CNOT7: variants seen among roughly 807,000 people sequenced by gnomAD.
CNOT7 encodes CCR4-NOT transcription complex subunit 7.
In CNOT7, 4 loss-of-function variants were observed where a neutral mutation model predicts 37.1. The ratio of observed to expected loss-of-function variants is 0.11; its 90% CI spans 0.05 to 0.25. The LOEUF (loss-of-function observed/expected upper bound fraction) is 0.25. Ranked by LOEUF, CNOT7 falls within the 10% of genes least tolerant of loss-of-function variation. CNOT7 has a pLI of 1.00. For synonymous variants in CNOT7, 128 were observed against 115.6 expected, an observed-to-expected ratio of 1.11 and a Z score of -0.69; for missense variants, 170 against 336.2, an observed-to-expected ratio of 0.51 and a Z score of 3.87.
chr8:17,245,323 C>A, intron 1 of CNOT7, 76 bp from the exon 2 acceptor site: 2 of 620,644 alleles, frequency 3.2e-6, no homozygotes, highest in South Asian at 4.2e-5. Context: ...CAGCAGGAAC[C>A]TAAGAAGTTA....
chr8:17,233,019 C>T (rs1428763326), intron 5 of CNOT7, among the ~76,000 whole-genome samples: 1 of 152,150 alleles, frequency 6.6e-6, no homozygotes, highest in Non-Finnish European at 1.5e-5. Flanking sequence ...CTAAATGCTT[C>T]ACTATGGTTT....
At chr8:17,243,767 T>C in intron 2 of CNOT7, 1 of 395,240 alleles carries the variant, frequency 2.5e-6, no homozygotes, top group South Asian at 1.8e-5. Flanking sequence ...CCACTCTTTA[T>C]CATCTGAGAA....
chr8:17,243,037 G>A lies in CNOT7; in HGVS notation c.266C>T (p.Pro89Leu), dbSNP rs1446456914. 6.2e-7 allele frequency: 1 copy of A among 1,604,486 alleles called. No homozygotes were observed. Among genetic ancestry groups the A allele is most frequent in the South Asian group, 1.1e-5 (1 of 88,700 alleles). The change falls in exon 3 of 7, where the codon CCT (proline) becomes CTT (leucine). Residue 89 changes from proline (P) to leucine (L), a missense_variant. By Grantham distance (98) the Pro-to-Leu change is moderately conservative. Coordinates refer to ENST00000361272, the MANE Select transcript of CNOT7 (RefSeq NM_013354.7). ...LTFMNEQGEYPPGTSTWQFNF... is the reference protein window; with the variant it reads ...LTFMNEQGEYLPGTSTWQFNF... Reference sequence around the variant, plus strand: ...AAACTGCCAAGTTGAAGTTCCTGGAGGGTATTCTCCTTGCTCATTCATAAA... The same window carrying A: ...AAACTGCCAAGTTGAAGTTCCTGGAAGGTATTCTCCTTGCTCATTCATAAA...
chr8:17,238,348 G>A (rs1809661040), intron 3 of CNOT7, among the ~76,000 whole-genome samples: 1 of 137,832 alleles, frequency 7.3e-6, no homozygotes, highest in Non-Finnish European at 1.5e-5. Flanking sequence ...GTATCGTTAT[G>A]GTTAGTCCTT....
chr8:17,237,411 C>A, intron 3 of CNOT7, 38 bp from the exon 4 acceptor site: 2 of 1,597,968 alleles, frequency 1.3e-6, no homozygotes, highest in Non-Finnish European at 1.7e-6. Flanking sequence ...TCAAACATGC[C>A]ATTACTTCAA....
At chr8:17,244,153 A>G (rs1421210095) in intron 2 of CNOT7, among the ~76,000 whole-genome samples, 1 of 152,204 alleles carries the variant, frequency 6.6e-6, no homozygotes, top group Non-Finnish European at 1.5e-5. Flanking sequence ...TATGGAGCTA[A>G]TAATAATCCA....
chr8:17,229,683 T>G lies in CNOT7; in HGVS notation c.*1037A>C, dbSNP rs560983577. On this transcript the variant is annotated 3_prime_UTR_variant, in exon 7 of 7. Coordinates refer to ENST00000361272, the MANE Select transcript of CNOT7 (RefSeq NM_013354.7). ...ATTTTGTTGTTTTGTACCAAATCTCTCCATTATTTACCTTTGTAGCAACTA... is the reference window on the plus strand; with the variant it reads ...ATTTTGTTGTTTTGTACCAAATCTCGCCATTATTTACCTTTGTAGCAACTA... 7 of 152,016 alleles carry G rather than the reference T, an allele frequency of 4.6e-5. No individual in the cohort carries two copies. Among genetic ancestry groups the G allele is most frequent in the African/African-American group, 1.7e-4 (7 of 41,442 alleles). 9.4% of individuals were successfully genotyped at this position (152,016 alleles called of 1,614,324 possible). A position where few individuals can be genotyped will look rare whatever the true frequency, so the allele number is the denominator to read the frequency against.
intron 3 of CNOT7, chr8:17,242,121 G>A (rs903887045): frequency 2.6e-5 from 4 of 152,144 alleles, no homozygotes; most frequent in African/African-American, 9.7e-5. Flanking sequence ...GGATGTGGGA[G>A]GAAATCAGAG....
At position 17,225,972 on chromosome 8, in the gene CNOT7, T is replaced by TAACA. The variant is rs1381621173; in HGVS notation, c.*4747_*4748insTGTT. ...ACTGCATTTGGCAATGCAGATGAAA[T>TAACA]AGCAAACAGGACAGACATAGACCCT... On this transcript the variant is annotated 3_prime_UTR_variant, in exon 7 of 7. Coordinates refer to ENST00000361272, the MANE Select transcript of CNOT7 (RefSeq NM_013354.7). 1 of 98,032 alleles carries TAACA rather than the reference T, an allele frequency of 1.0e-5. No individual in the cohort carries two copies. Among genetic ancestry groups the TAACA allele is most frequent in the Admixed American group, 1.3e-4 (1 of 7,976 alleles). The allele number at this position is 98,032 out of a possible 1,614,324, so 6.1% of individuals were successfully genotyped here. A position where few individuals can be genotyped will look rare whatever the true frequency, so the allele number is the denominator to read the frequency against.
rs1330679416 is a variant in CNOT7 at position 17,227,959 on chromosome 8, G to C, written c.*2761C>G. On this transcript the variant is annotated 3_prime_UTR_variant, in exon 7 of 7. Transcript: ENST00000361272. ...TCTGTAGCTTGCCAAGCGGCAATGT[G>C]AAACAAGACACACATACACAGGTTC... 6.6e-6 allele frequency: 1 copy of C among 151,916 alleles called. No individual in the cohort carries two copies. Among genetic ancestry groups the C allele is most frequent in the Non-Finnish European group, 1.5e-5 (1 of 67,838 alleles). The allele number at this position is 151,916 out of a possible 1,614,324, so 9.4% of individuals were successfully genotyped here.
intron 5 of CNOT7, among the ~76,000 whole-genome samples, chr8:17,234,183 G>C (rs1585791592): frequency 6.6e-6 from 1 of 152,122 alleles, no homozygotes; most frequent in South Asian, 2.1e-4. Context: ...GACATCTTTT[G>C]GCCACAGAAA....
intron 4 of CNOT7, among the ~76,000 whole-genome samples, chr8:17,235,852 T>G (rs1809281912): frequency 6.6e-6 from 1 of 152,220 alleles, no homozygotes; most frequent in African/African-American, 2.4e-5. Context: ...CAGTCTAACT[T>G]AGATTCTAAA....
chr8:17,232,138 C>G (rs1808721725), intron 6 of CNOT7: 18 of 1,090,402 alleles, frequency 1.7e-5, no homozygotes, highest in Non-Finnish European at 2.1e-5. Flanking sequence ...AGTTATTAGC[C>G]TGTTTTCTCA....
Position 17,227,195 on chromosome 8 carries a change from A to T in CNOT7, c.*3525T>A, listed in dbSNP as rs543177497. ...CAAGCCTTAAAATTTGACCAAATAA[A>T]CTTTTTTTCTGCTTCATGCATTTTT... is the stretch of plus-strand genomic sequence containing the variant. On this transcript the variant is annotated 3_prime_UTR_variant, in exon 7 of 7. Transcript: ENST00000361272. 6.2e-4 allele frequency: 94 copies of T among 151,972 alleles called. 1 individual carries two copies. The highest frequency in any genetic ancestry group is 3.4e-3 in the Middle Eastern group (1 of 294). The allele number at this position is 151,972 out of a possible 1,614,324, so 9.4% of individuals were successfully genotyped here.
At chr8:17,235,969 T>C (rs1356465647) in intron 4 of CNOT7, among the ~76,000 whole-genome samples, 3 of 152,162 alleles carry the variant, frequency 2.0e-5, no homozygotes, top group Admixed American at 1.3e-4. Context: ...GGGTATGTCA[T>C]ATACAGTAAA....
chr8:17,245,569 C>G (rs1313931055), intron 1 of CNOT7, among the ~76,000 whole-genome samples: 1 of 152,130 alleles, frequency 6.6e-6, no homozygotes, highest in East Asian at 1.9e-4. Context: ...CCATCCATTT[C>G]CAGACAAAAA....
Position 17,230,760 on chromosome 8 carries a change from G to C in CNOT7, c.818C>G (p.Thr273Arg). Residue 273 changes from threonine (T) to arginine (R), a missense_variant, in exon 7 of 7, where the codon ACA (threonine) becomes AGA (arginine). Physicochemically the swap from Thr to Arg is moderately conservative, Grantham distance 71. Transcript: ENST00000361272. ...GSGSSYVQNGTGNAYEEEANK... is the reference protein window; with the variant it reads ...GSGSSYVQNGRGNAYEEEANK... ...GGCTTCCTCTTCATATGCATTCCCT[G>C]TGCCATTCTGTACATAGGATGAACC... 1 of 1,608,146 alleles carries C rather than the reference G, an allele frequency of 6.2e-7. No homozygotes were observed. Among genetic ancestry groups the C allele is most frequent in the Non-Finnish European group, 8.5e-7 (1 of 1,176,860 alleles).
intron 4 of CNOT7, 132 bp downstream of exon 4, chr8:17,237,080 T>C (rs1038042299): frequency 2.4e-6 from 2 of 826,922 alleles, no homozygotes; most frequent in African/African-American, 3.4e-5. Flanking sequence ...TCCTAAGAGT[T>C]AGGAGACAAC....
rs1810722335 is a variant in CNOT7, at chr8:17,245,066, T to C, written c.87A>G (p.Gln29=). The C allele has an allele frequency of 1.2e-6, 2 of 1,613,764 alleles. No homozygotes were observed. The highest frequency in any genetic ancestry group is 1.1e-5 in the South Asian group (1 of 91,044). Residue 29 remains glutamine (Q), a synonymous_variant, in exon 2 of 7, where the codon CAA becomes CAG. Coordinates refer to ENST00000361272, the MANE Select transcript of CNOT7 (RefSeq NM_013354.7). ...CAACGTAATTATATTTTCGGATAAC[T>C]TGACGAATTTTCTTCATCTCTTCAT... ...NLDEEMKKIR[Q]VIRKYNYVAM...
Sources: allele counts gnomAD v4.1 joint callset (sites outside exome capture counted in the v4.1 genomes callset), GRCh38; gene constraint gnomAD v4.1.1; transcripts MANE v1.5; gene names NCBI Gene and HGNC (gene_info 2026-07-23, HGNC 2026-07-21).